FAM184A: variants seen among roughly 807,000 people sequenced by gnomAD.
FAM184A encodes the protein protein FAM184A.
Under a neutral mutation model 143.8 loss-of-function variants are expected in FAM184A, and 99 were observed. The ratio of observed to expected loss-of-function variants is 0.69; its 90% confidence interval spans 0.58 to 0.81. The LOEUF (loss-of-function observed/expected upper bound fraction) is 0.81, where lower values mean the gene tolerates loss of function less well. FAM184A is among the 40% of genes least tolerant of loss of function. FAM184A has a pLI of 0.00. For synonymous variants in FAM184A, 427 were observed against 446.4 expected, an observed-to-expected ratio of 0.96 and a Z score of 0.55; for missense variants, 1,217 against 1,310.5, an observed-to-expected ratio of 0.93 and a Z score of 1.10.
intron 9 of FAM184A, among the ~76,000 whole-genome samples, chr6:118,990,105 C>T (rs557216318): frequency 7.0e-4 from 106 of 152,284 alleles, no homozygotes; most frequent in Admixed American, 2.3e-3. Context: ...GGATTACAGG[C>T]GTGAGCCACA....
At chr6:119,145,124 T>A (rs1772384269) in intron 1 of FAM184A, among the ~76,000 whole-genome samples, 1 of 152,198 alleles carries the variant, frequency 6.6e-6, no homozygotes, top group Admixed American at 6.5e-5. Context: ...GGCCAGAGAT[T>A]GGCAGGCAGG....
intron 1 of FAM184A, among the ~76,000 whole-genome samples, chr6:119,042,865 T>G (rs1786392450): frequency 6.6e-6 from 1 of 152,202 alleles, no homozygotes; most frequent in Non-Finnish European, 1.5e-5. Flanking sequence ...ATGGGAACTC[T>G]GTACTTTCTG....
chr6:119,105,936 G>T (rs972743633), intron 1 of FAM184A, among the ~76,000 whole-genome samples: 8 of 152,144 alleles, frequency 5.3e-5, no homozygotes, highest in African/African-American at 1.9e-4. Flanking sequence ...CTAACGTGAA[G>T]ATATCAGTCA....
intron 1 of FAM184A, among the ~76,000 whole-genome samples, chr6:119,117,498 G>A (rs372670138): frequency 7.9e-5 from 12 of 152,140 alleles, no homozygotes; most frequent in Admixed American, 6.5e-4. Flanking sequence ...TAACCCAGGC[G>A]GCCTCTTCCA....
chr6:119,099,765 A>G (rs1190799832), intron 1 of FAM184A, among the ~76,000 whole-genome samples: 1 of 152,066 alleles, frequency 6.6e-6, no homozygotes, highest in African/African-American at 2.4e-5. Context: ...AGGGGGGCGC[A>G]CCTGAAGAGG....
chr6:119,017,927 CTT>C (rs915847536), intron 4 of FAM184A, among the ~76,000 whole-genome samples: 19 of 152,308 alleles, frequency 1.2e-4, no homozygotes, highest in African/African-American at 3.4e-4. Context: ...CGCTCTCTCT[CTT>C]GTCCTGTGAC....
At chr6:119,030,938 C>T (rs979992702) in intron 1 of FAM184A, among the ~76,000 whole-genome samples, 7 of 150,860 alleles carry the variant, frequency 4.6e-5, no homozygotes, top group Admixed American at 1.3e-4. Flanking sequence ...TTCATAGTTC[C>T]GTTTTATGCC....
At chr6:119,123,304 A>T (rs545777891) in intron 1 of FAM184A, among the ~76,000 whole-genome samples, 1 of 150,044 alleles carries the variant, frequency 6.7e-6, no homozygotes, top group Admixed American at 6.6e-5. Flanking sequence ...CAGGAGAATC[A>T]CTTGAAACTG....
chr6:119,034,041 T>TATATATATAGAG (rs1409214932), intron 1 of FAM184A, among the ~76,000 whole-genome samples: 4 of 42,008 alleles, frequency 9.5e-5, no homozygotes, highest in African/African-American at 4.2e-4. Context: ...TATATATATA[T>TATATATATAGAG]AGAGAGAGAG....
intron 1 of FAM184A, among the ~76,000 whole-genome samples, chr6:119,120,270 A>G (rs1789177085): frequency 6.6e-6 from 1 of 152,308 alleles, no homozygotes; most frequent in African/African-American, 2.4e-5. Context: ...CATACAATAT[A>G]TGGTATTCTG....
At chr6:118,977,113 TG>T (rs1783871012) in intron 11 of FAM184A, among the ~76,000 whole-genome samples, 1 of 152,210 alleles carries the variant, frequency 6.6e-6, no homozygotes, top group Non-Finnish European at 1.5e-5. Flanking sequence ...CAGCTTTATT[TG>T]TAACAGCTAA....
chr6:119,021,546 G>A (rs950011791), intron 3 of FAM184A, among the ~76,000 whole-genome samples: 3 of 152,058 alleles, frequency 2.0e-5, no homozygotes, highest in Non-Finnish European at 2.9e-5. Flanking sequence ...AAGTTAGCCC[G>A]TGGCATACCT....
rs1197107788 is a variant in FAM184A, at chr6:119,133,479, A to G, written c.-202+15599T>C. Among the ~76,000 whole-genome samples, 9 of 152,152 alleles carry G rather than the reference A, an allele frequency of 5.9e-5. No individual in the cohort carries two copies. In the South Asian group the frequency reaches 1.4e-3, roughly 24 times the overall value. ...GCAGAAGTAAGAGAAGCGGGGCTGC[A>G]GTAGAGCCAAGGGAAAGCCTCAGCC... On this transcript the variant is annotated intron_variant, in intron 1 of 16. Transcript: ENST00000352896.
chr6:118,980,419 G>A, intron 9 of FAM184A, 69 bp from the exon 10 acceptor site: 1 of 1,201,462 alleles, frequency 8.3e-7, no homozygotes, highest in Non-Finnish European at 1.2e-6. Context: ...CCAGCAAAGG[G>A]GGAAAAGCAT....
At chr6:118,994,459 G>A (rs1413442322) in intron 9 of FAM184A, among the ~76,000 whole-genome samples, 1 of 151,894 alleles carries the variant, frequency 6.6e-6, no homozygotes, top group Non-Finnish European at 1.5e-5. Flanking sequence ...GGCTGGGGCA[G>A]GTGGATCACA....
rs1355820981 is a variant in FAM184A, at chr6:118,979,416, C to G, written c.2404G>C (p.Glu802Gln). 6.2e-7 allele frequency: 1 copy of G among 1,613,886 alleles called. No individual in the cohort carries two copies. The highest frequency in any genetic ancestry group is 8.5e-7 in the Non-Finnish European group (1 of 1,179,906). Residue 802 changes from glutamate (E) to glutamine (Q), a missense_variant, in exon 11 of 18, where the codon GAA (glutamate) becomes CAA (glutamine). Glu to Gln is a conservative substitution (Grantham distance 29). Transcript: ENST00000338891. ...AATTCAAACCGAAGAGTCTGAAGTT[C>G]CTGTTCCATTTCTATCCGGAAGCCC... Reference protein sequence around the residue: ...MEGFRIEMEQELQTLRFELED... With the variant: ...MEGFRIEMEQQLQTLRFELED...
chr6:119,097,551 C>A (rs1472362113), intron 1 of FAM184A, among the ~76,000 whole-genome samples: 1 of 152,096 alleles, frequency 6.6e-6, no homozygotes, highest in Non-Finnish European at 1.5e-5. Context: ...ATATATAAGT[C>A]TTTTCTACCA....
chr6:119,094,268 T>G (rs1196047185), intron 1 of FAM184A, among the ~76,000 whole-genome samples: 1 of 152,078 alleles, frequency 6.6e-6, no homozygotes, highest in Non-Finnish European at 1.5e-5. Context: ...GTCCCTTTAC[T>G]TGCTGTCATG....
intron 1 of FAM184A, among the ~76,000 whole-genome samples, chr6:119,043,297 A>C (rs964965763): frequency 6.6e-6 from 1 of 152,236 alleles, no homozygotes; most frequent in Non-Finnish European, 1.5e-5. Flanking sequence ...AGAGCACAGA[A>C]GGAAAATGAG....
Sources: gnomAD v4.1 joint callset for allele counts (sites outside exome capture counted in the v4.1 genomes callset) on GRCh38, gnomAD v4.1.1 for gene constraint, MANE v1.5 for transcripts, NCBI Gene and HGNC (gene_info 2026-07-23, HGNC 2026-07-21) for gene names.